Variants in PLCB1 observed in about 807,000 individuals in gnomAD.
PLCB1 encodes 1-phosphatidylinositol 4,5-bisphosphate phosphodiesterase beta-1.
PLCB1 carries 46 observed loss-of-function variants against 161.8 expected under a neutral mutation model. The ratio of observed to expected loss-of-function variants is 0.28; its 90% confidence interval spans 0.22 to 0.36. The LOEUF is 0.36. Among genes scored for constraint, PLCB1 ranks in the 10% least tolerant of loss-of-function variants. The pLI, the probability that PLCB1 is intolerant of heterozygous loss-of-function variation, is 1.00. For synonymous variants in PLCB1, 517 were observed against 503.7 expected (o/e 1.03, Z -0.35); for missense variants, 1,016 against 1,472.5 (o/e 0.69, Z 5.07).
Position 8,658,519 on chromosome 20 carries a change from G to T in PLCB1, c.696-19G>T. ...TTAGTTTAAAAAATTCTTATTGCTT[G>T]GTTTTTCATTGTTTTTAGTGGTGCA... On this transcript the variant is annotated intron_variant, in intron 8 of 31. Coordinates refer to ENST00000338037, the MANE Select transcript of PLCB1 (RefSeq NM_015192.4). 1.9e-6 allele frequency: 3 copies of T among 1,553,866 alleles called. No homozygotes were observed. Among genetic ancestry groups the T allele is most frequent in the Non-Finnish European group, 2.6e-6 (3 of 1,151,736 alleles).
At chr20:8,687,975 T>G (rs376842621) in intron 10 of PLCB1, among the ~76,000 whole-genome samples, 9 of 152,314 alleles carry the variant, frequency 5.9e-5, no homozygotes, top group African/African-American at 1.7e-4. Context: ...GTTCCCTGAT[T>G]GCTGCATCCA....
intron 2 of PLCB1, among the ~76,000 whole-genome samples, chr20:8,174,158 A>G (rs2051759549): frequency 2.0e-5 from 3 of 151,178 alleles, no homozygotes; most frequent in African/African-American, 7.3e-5. Flanking sequence ...CAAACAGGAT[A>G]CACCTTAGCA....
At chr20:8,877,822 A>AAAAG (rs1987833693) in intron 31 of PLCB1, among the ~76,000 whole-genome samples, 1 of 152,226 alleles carries the variant, frequency 6.6e-6, no homozygotes, top group Non-Finnish European at 1.5e-5. Context: ...TGGCTGTTTA[A>AAAAG]AAAGAGTGAA....
At chr20:8,191,621 A>G (rs2051971992) in intron 2 of PLCB1, among the ~76,000 whole-genome samples, 1 of 152,092 alleles carries the variant, frequency 6.6e-6, no homozygotes, top group Admixed American at 6.6e-5. Context: ...ACAAAAATGA[A>G]AATGAATGAC....
At chr20:8,794,641 G>C (rs1279724290) in intron 31 of PLCB1, among the ~76,000 whole-genome samples, 2 of 152,112 alleles carry the variant, frequency 1.3e-5, no homozygotes, top group Non-Finnish European at 2.9e-5. Flanking sequence ...TAATGTAATA[G>C]TGTGTTTCAT....
intron 3 of PLCB1, among the ~76,000 whole-genome samples, chr20:8,523,490 C>CAATA: frequency 1.5e-5 from 1 of 67,732 alleles, no homozygotes; most frequent in South Asian, 4.6e-4. Flanking sequence ...CTCTCTCTCT[C>CAATA]TCTCTCTATA....
chr20:8,744,620 T>TAAAATAAAATA (rs1221074460), intron 23 of PLCB1, among the ~76,000 whole-genome samples: 4 of 105,034 alleles, frequency 3.8e-5, no homozygotes, highest in Non-Finnish European at 5.9e-5. Context: ...ATAAAATAAA[T>TAAAATAAAATA]AAAATAAAAT....
chr20:8,626,988 A>C (rs1174504012), intron 3 of PLCB1, among the ~76,000 whole-genome samples: 2 of 152,190 alleles, frequency 1.3e-5, no homozygotes, highest in Non-Finnish European at 2.9e-5. Context: ...AACTTTTGAT[A>C]TAGACCTCTC....
chr20:8,432,158 G>A (rs1164698782), intron 3 of PLCB1, among the ~76,000 whole-genome samples: 1 of 152,160 alleles, frequency 6.6e-6, no homozygotes, highest in African/African-American at 2.4e-5. Flanking sequence ...TCTGAAGCGT[G>A]AGGAGGGCCG....
intron 2 of PLCB1, among the ~76,000 whole-genome samples, chr20:8,370,864 A>G (rs779092452): frequency 5.3e-5 from 8 of 152,236 alleles, no homozygotes; most frequent in Non-Finnish European, 1.0e-4. Flanking sequence ...CAGGTGTTCA[A>G]TGATGGGTAA....
intron 2 of PLCB1, among the ~76,000 whole-genome samples, chr20:8,239,130 G>T (rs539946278): frequency 5.3e-5 from 8 of 151,974 alleles, no homozygotes; most frequent in Non-Finnish European, 1.2e-4. Flanking sequence ...ACCGGGATGA[G>T]CCCTGGAAAA....
chr20:8,761,231 A>G (rs964023823), intron 25 of PLCB1, among the ~76,000 whole-genome samples: 1 of 152,248 alleles, frequency 6.6e-6, no homozygotes, highest in South Asian at 2.1e-4. Context: ...AGGATTCCAT[A>G]TACACCAACT....
intron 9 of PLCB1, among the ~76,000 whole-genome samples, chr20:8,677,230 C>T (rs1990104285): frequency 6.6e-6 from 1 of 151,962 alleles, no homozygotes; most frequent in African/African-American, 2.4e-5. Context: ...CCCATCTCTA[C>T]TAAAAATACA....
At chr20:8,361,865 T>C (rs1986553878) in intron 2 of PLCB1, among the ~76,000 whole-genome samples, 1 of 152,226 alleles carries the variant, frequency 6.6e-6, no homozygotes, top group Non-Finnish European at 1.5e-5. Flanking sequence ...ATATTTCTTA[T>C]CAAAAGACCT....
chr20:8,584,467 CACAT>C (rs1261985536), intron 3 of PLCB1, among the ~76,000 whole-genome samples: 1 of 136,094 alleles, frequency 7.3e-6, no homozygotes, highest in Non-Finnish European at 1.5e-5. Context: ...CAAACACACA[CACAT>C]ACACACACAC....
intron 3 of PLCB1, among the ~76,000 whole-genome samples, chr20:8,510,353 G>A (rs911835534): frequency 1.3e-5 from 2 of 149,728 alleles, no homozygotes; most frequent in African/African-American, 2.4e-5. Context: ...ATTTATTTTA[G>A]GATAACTCTG....
chr20:8,646,488 T>G (rs1365229560), intron 5 of PLCB1, among the ~76,000 whole-genome samples: 1 of 152,192 alleles, frequency 6.6e-6, no homozygotes, highest in Non-Finnish European at 1.5e-5. Flanking sequence ...GAACTAAAAA[T>G]TATTAATTTC....
chr20:8,487,851 T>G (rs1600102455), intron 3 of PLCB1, among the ~76,000 whole-genome samples: 1 of 152,216 alleles, frequency 6.6e-6, no homozygotes, highest in Non-Finnish European at 1.5e-5. Flanking sequence ...TTACCGAGGC[T>G]GGTGCACCCA....
chr20:8,429,263 A>AT lies in PLCB1; in HGVS notation c.246+57820dup, dbSNP rs1219064154. Among the ~76,000 whole-genome samples the AT allele has an allele frequency of 5.3e-5, 8 of 152,322 alleles. No individual in the cohort carries two copies. The South Asian group carries it at 1.7e-3, about 32-fold the overall frequency. On this transcript the variant is annotated intron_variant, in intron 3 of 31. Coordinates refer to ENST00000338037, the MANE Select transcript of PLCB1 (RefSeq NM_015192.4). The stretch of plus-strand genomic sequence containing the variant: ...TGCAGAGTAGGAACAATGGACTTAG[A>AT]TTTTTTTAAACTTCTCTAACTCTTT...
Sources: allele counts gnomAD v4.1 joint callset (sites outside exome capture counted in the v4.1 genomes callset), GRCh38; gene constraint gnomAD v4.1.1; transcripts MANE v1.5; gene names NCBI Gene and HGNC (gene_info 2026-07-23, HGNC 2026-07-21).